AK9: variants seen among roughly 807,000 people sequenced by gnomAD.
AK9 encodes the protein adenylate kinase domain containing 1.
Under a neutral mutation model 239.6 loss-of-function variants are expected in AK9, and 191 were observed. The observed-to-expected ratio is 0.80, with a 90% CI of 0.71 to 0.90. AK9 has a LOEUF of 0.90. Ranked by LOEUF, AK9 falls within the 40% of genes least tolerant of loss-of-function variation. The pLI, the probability that AK9 is intolerant of heterozygous loss-of-function variation, is 0.00. For synonymous variants in AK9, 689 were observed against 721.0 expected, an observed-to-expected ratio of 0.96 and a Z score of 0.71; for missense variants, 1,995 against 2,214.7, an observed-to-expected ratio of 0.90 and a Z score of 1.99.
Position 109,612,069 on chromosome 6 carries a change from A to C in AK9, c.1634T>G (p.Phe545Cys). 1 of 1,540,990 alleles carries C rather than the reference A, an allele frequency of 6.5e-7. No individual in the cohort carries two copies. Among genetic ancestry groups the C allele is most frequent in the Non-Finnish European group, 8.8e-7 (1 of 1,142,182 alleles). The change falls in exon 16 of 41, where the codon TTC becomes TGC. Residue 545 changes from phenylalanine to cysteine, a missense_variant. Transcript: ENST00000424296. ...KDDGKETGET[F>C]TFKRHSQDAS... ...ATCTTGAGAATGCCTTTTAAATGTG[A>C]ATGTTTCACCAGTTTCTTTTCCATC...
chr6:109,506,386 A>T lies in AK9; in HGVS notation c.4790T>A (p.Ile1597Asn). Residue 1597 changes from isoleucine to asparagine, a missense_variant, in exon 35 of 41, where the codon ATT (isoleucine) becomes AAT (asparagine). Ile to Asn is a moderately radical substitution (Grantham distance 149). This residue lies in a region of AK9 where 391 missense variants were observed against 456.0 expected (regional missense o/e 0.86). Transcript: ENST00000424296. ...TTTATTCACCATTTGAACATTCTTA[A>T]TGACTTCATTCCATACCCACCATTT... ...HSKWWVWNEVIKNVQMVNKYM... is the reference protein window; with the variant it reads ...HSKWWVWNEVNKNVQMVNKYM... 1.2e-6 allele frequency: 2 copies of T among 1,613,804 alleles called. No individual in the cohort carries two copies. The highest frequency in any genetic ancestry group is 4.5e-5 in the East Asian group (2 of 44,804).
intron 17 of AK9, among the ~76,000 whole-genome samples, chr6:109,598,328 G>T (rs1280636105): frequency 2.0e-5 from 3 of 151,356 alleles, no homozygotes; most frequent in Non-Finnish European, 4.4e-5. Context: ...GCGGTGTTTG[G>T]TTTTTTGTCC....
intron 15 of AK9, among the ~76,000 whole-genome samples, chr6:109,613,795 A>C (rs1436687122): frequency 6.6e-6 from 1 of 151,832 alleles, no homozygotes. Flanking sequence ...AAAATTTTAT[A>C]AGGATAAATA....
At chr6:109,508,699 G>A (rs1223339125) in intron 33 of AK9, among the ~76,000 whole-genome samples, 1 of 152,192 alleles carries the variant, frequency 6.6e-6, no homozygotes, top group Non-Finnish European at 1.5e-5. Flanking sequence ...AAGGTGAGAA[G>A]TGTAAATGGA....
intron 27 of AK9, among the ~76,000 whole-genome samples, chr6:109,538,731 A>C (rs1158280434): frequency 6.6e-6 from 1 of 152,162 alleles, no homozygotes; most frequent in Non-Finnish European, 1.5e-5. Context: ...CATGTTTTGC[A>C]GTGGCTGGTA....
Position 109,542,107 on chromosome 6 carries a change from G to A in AK9, c.3290C>T (p.Pro1097Leu). The A allele has an allele frequency of 6.2e-7, 1 of 1,609,144 alleles. No individual in the cohort carries two copies. Among genetic ancestry groups the A allele is most frequent in the South Asian group, 1.1e-5 (1 of 90,512 alleles). Residue 1097 changes from proline to leucine, a missense_variant, in exon 27 of 41, where the codon CCC (proline) becomes CTC (leucine). Pro to Leu is a moderately conservative substitution (Grantham distance 98). Coordinates refer to ENST00000424296, the MANE Select transcript of AK9 (RefSeq NM_001145128.3). ...VIKSSLMENE[P>L]LPPEILEVIL... ...TACTTCAAGAATTTCAGGAGGCAAG[G>A]GCTCATTTTCCATTAGACTTGATTT...
intron 8 of AK9, among the ~76,000 whole-genome samples, chr6:109,644,985 C>T (rs1265034688): frequency 6.6e-6 from 1 of 152,178 alleles, no homozygotes; most frequent in African/African-American, 2.4e-5. Flanking sequence ...CATAGCTTTG[C>T]TATTTGGTTT....
At chr6:109,638,725 A>C (rs555696390) in intron 10 of AK9, among the ~76,000 whole-genome samples, 1 of 152,292 alleles carries the variant, frequency 6.6e-6, no homozygotes, top group Non-Finnish European at 1.5e-5. Context: ...ATAGGTATAC[A>C]TATGCCATGG....
rs1220218914 is a variant in AK9, at chr6:109,644,704, A to G, written c.760-16T>C. 6.3e-7 allele frequency: 1 copy of G among 1,595,112 alleles called. No individual in the cohort carries two copies. Among genetic ancestry groups the G allele is most frequent in the African/African-American group, 1.3e-5 (1 of 74,334 alleles). The stretch of plus-strand genomic sequence containing the variant: ...CCATTACTTCCTGCAGATAATAGAA[A>G]AGAAACTTTATAATACAGGATCACT... On this transcript the variant is annotated splice_polypyrimidine_tract_variant and intron_variant, in intron 8 of 40. Coordinates refer to ENST00000424296, the MANE Select transcript of AK9 (RefSeq NM_001145128.3).
intron 29 of AK9, among the ~76,000 whole-genome samples, chr6:109,521,386 T>C (rs1779849491): frequency 6.6e-6 from 1 of 152,080 alleles, no homozygotes; most frequent in South Asian, 2.1e-4. Context: ...CGAGTGCTTA[T>C]AACTTTAAAT....
rs963162791 is a variant in AK9 at position 109,506,757 on chromosome 6, G to A, written c.4525C>T (p.Leu1509Phe). ...GYPVTKHQMNLLEARSIIPMV... is the reference protein window; with the variant it reads ...GYPVTKHQMNFLEARSIIPMV... ...GGAATGATTGACCTAGCTTCCAAGAGATTCATTTGATGTTTAGTTACAGGA... is the reference window on the plus strand; with the variant it reads ...GGAATGATTGACCTAGCTTCCAAGAAATTCATTTGATGTTTAGTTACAGGA... The change falls in exon 34 of 41, where the codon CTC becomes TTC. Residue 1509 changes from leucine (L) to phenylalanine (F), a missense_variant. Coordinates refer to ENST00000424296, the MANE Select transcript of AK9 (RefSeq NM_001145128.3). The A allele has an allele frequency of 6.6e-7, 1 of 1,524,562 alleles. No homozygotes were observed. The highest frequency in any genetic ancestry group is 8.9e-7 in the Non-Finnish European group (1 of 1,128,036). The allele number at this position is 1,524,562 out of a possible 1,614,324, so 94.4% of individuals were successfully genotyped here.
At chr6:109,557,157 A>G (rs1029761409) in intron 24 of AK9, among the ~76,000 whole-genome samples, 10 of 151,708 alleles carry the variant, frequency 6.6e-5, no homozygotes, top group Non-Finnish European at 1.2e-4. Flanking sequence ...TGACCCTTGG[A>G]TGGGGTTTTT....
intron 29 of AK9, among the ~76,000 whole-genome samples, chr6:109,522,732 G>T (rs1401636615): frequency 6.6e-6 from 1 of 151,900 alleles, no homozygotes; most frequent in Non-Finnish European, 1.5e-5. Context: ...TCCTTTTGTT[G>T]GTGATTTTCC....
chr6:109,684,439 A>C (rs888592177), intron 1 of AK9, among the ~76,000 whole-genome samples: 2 of 152,204 alleles, frequency 1.3e-5, no homozygotes, highest in Non-Finnish European at 2.9e-5. Flanking sequence ...AGCAAAAGAA[A>C]CTACCATCAG....
Position 109,575,358 on chromosome 6 carries a change from T to A in AK9, c.2192-1764A>T, listed in dbSNP as rs577857200. Among the ~76,000 whole-genome samples the A allele has an allele frequency of 4.6e-5, 7 of 152,350 alleles. No individual in the cohort carries two copies. In the South Asian group the frequency reaches 6.2e-4, roughly 14 times the overall value. The stretch of plus-strand genomic sequence containing the variant: ...CAACATCTATTATTTTTTGATTTTT[T>A]AATTATGGCCATTCTTACAGGAGTA... On this transcript the variant is annotated intron_variant, in intron 20 of 40. Coordinates refer to ENST00000424296, the MANE Select transcript of AK9 (RefSeq NM_001145128.3).
chr6:109,660,285 T>C lies in AK9; in HGVS notation c.445-872A>G, dbSNP rs1445057242. Among the ~76,000 whole-genome samples the C allele has an allele frequency of 3.0e-4, 46 of 152,192 alleles. 1 individual carries two copies. Among genetic ancestry groups the C allele is most frequent in the Admixed American group, 2.9e-3 (45 of 15,272 alleles). On this transcript the variant is annotated intron_variant, in intron 6 of 40. Coordinates refer to ENST00000424296, the MANE Select transcript of AK9 (RefSeq NM_001145128.3). ...ATAAAAAAAAATCTGGATGGTTTTCTGAGGCAGTGATTCTGACATATGAGC... is the reference window on the plus strand; with the variant it reads ...ATAAAAAAAAATCTGGATGGTTTTCCGAGGCAGTGATTCTGACATATGAGC...
At chr6:109,668,281 T>C (rs1253014374) in intron 5 of AK9, among the ~76,000 whole-genome samples, 2 of 152,226 alleles carry the variant, frequency 1.3e-5, no homozygotes, top group Non-Finnish European at 1.5e-5. Flanking sequence ...GAGTTCTTTG[T>C]AGATTCTGGA....
intron 13 of AK9, among the ~76,000 whole-genome samples, chr6:109,616,487 C>T (rs533635553): frequency 1.3e-5 from 2 of 151,910 alleles, no homozygotes; most frequent in African/African-American, 4.8e-5. Flanking sequence ...AAGTGATCCT[C>T]CCATCTCAGC....
intron 12 of AK9, among the ~76,000 whole-genome samples, chr6:109,620,774 A>G (rs1794713629): frequency 6.6e-6 from 1 of 151,538 alleles, no homozygotes; most frequent in Non-Finnish European, 1.5e-5. Flanking sequence ...TACACATAAT[A>G]GTATACACAT....
Sources: gnomAD v4.1 joint callset for allele counts (sites outside exome capture counted in the v4.1 genomes callset) on GRCh38, gnomAD v4.1.1 for gene constraint, gnomAD v4.1.1 regional missense constraint, MANE v1.5 for transcripts, NCBI Gene and HGNC (gene_info 2026-07-23, HGNC 2026-07-21) for gene names.